Variants in ECHDC1 observed in about 807,000 individuals in gnomAD.
The protein encoded by ECHDC1 is ethylmalonyl-CoA decarboxylase.
A neutral mutation model predicts 29.7 loss-of-function variants in ECHDC1; 29 were observed. The ratio of observed to expected loss-of-function variants is 0.98; its 90% CI spans 0.73 to 1.33. ECHDC1 has a LOEUF of 1.33. Ranked by LOEUF, ECHDC1 falls within the 40% of genes most tolerant of loss-of-function variation. The probability of loss-of-function intolerance (pLI) is 0.00; values close to 1 mark genes in which losing one functional copy is unlikely to be tolerated. For synonymous variants in ECHDC1, 126 were observed against 123.1 expected (o/e 1.02, Z -0.15); for missense variants, 328 against 350.0 (o/e 0.94, Z 0.50).
chr6:127,323,118 A>C (rs1582984490), intron 3 of ECHDC1, among the ~76,000 whole-genome samples: 1 of 152,306 alleles, frequency 6.6e-6, no homozygotes, highest in African/African-American at 2.4e-5. Flanking sequence ...TTTAAGGTGT[A>C]TATGAAATAT....
chr6:127,334,134 C>T (rs1784217664), intron 1 of ECHDC1, among the ~76,000 whole-genome samples: 1 of 152,140 alleles, frequency 6.6e-6, no homozygotes, highest in African/African-American at 2.4e-5. Flanking sequence ...AGACCTTATG[C>T]CTGTACTCCT....
intron 5 of ECHDC1, among the ~76,000 whole-genome samples, chr6:127,297,206 T>C (rs1163196581): frequency 2.6e-5 from 4 of 152,220 alleles, no homozygotes; most frequent in African/African-American, 9.6e-5. Flanking sequence ...TAAATATTCA[T>C]TAACTCATTA....
chr6:127,335,156 A>G (rs930625709), intron 1 of ECHDC1, among the ~76,000 whole-genome samples: 1 of 152,128 alleles, frequency 6.6e-6, no homozygotes, highest in Non-Finnish European at 1.5e-5. Flanking sequence ...TTACAATACA[A>G]TATCTGGTTT....
intron 4 of ECHDC1, chr6:127,315,558 T>C (rs943935105): frequency 9.0e-6 from 2 of 221,928 alleles, no homozygotes; most frequent in African/African-American, 4.7e-5. Context: ...TTTTTGTAGG[T>C]TCTGACCTAC....
rs544997508 is a variant in ECHDC1 at position 127,332,473 on chromosome 6, A to T, written c.-2-1443T>A. Among the ~76,000 whole-genome samples, 10 of 152,154 alleles carry T rather than the reference A, an allele frequency of 6.6e-5. No individual in the cohort carries two copies. The East Asian group carries it at 1.9e-3, about 29-fold the overall frequency. On this transcript the variant is annotated intron_variant, in intron 1 of 5. Coordinates refer to ENST00000454859, the MANE Select transcript of ECHDC1 (RefSeq NM_001002030.2). The stretch of plus-strand genomic sequence containing the variant: ...GTGGTCGGGGTATGACTTGACTTTT[A>T]CACATTTTGGGGAGACATGGGACAT...
At chr6:127,298,772 C>T (rs1306936754) in intron 5 of ECHDC1, among the ~76,000 whole-genome samples, 2 of 152,112 alleles carry the variant, frequency 1.3e-5, no homozygotes, top group African/African-American at 4.8e-5. Flanking sequence ...AACAAACTTA[C>T]TGCACTGCTA....
At chr6:127,306,893 A>G (rs563824518) in intron 5 of ECHDC1, among the ~76,000 whole-genome samples, 139 of 152,354 alleles carry the variant, frequency 9.1e-4, no homozygotes, top group African/African-American at 3.2e-3. Flanking sequence ...TCCTCAGCAC[A>G]TGGATCATTC....
chr6:127,330,036 A>C (rs770635755), intron 2 of ECHDC1, among the ~76,000 whole-genome samples: 3 of 152,224 alleles, frequency 2.0e-5, no homozygotes, highest in Non-Finnish European at 2.9e-5. Flanking sequence ...TCAAATTTCA[A>C]ATGCTACTAA....
intron 5 of ECHDC1, among the ~76,000 whole-genome samples, chr6:127,309,612 T>C (rs994726152): frequency 9.2e-5 from 14 of 151,834 alleles, no homozygotes; most frequent in African/African-American, 3.4e-4. Context: ...GCGAAAATCT[T>C]AGGGTCACTG....
At chr6:127,312,747 T>A (rs1782043306) in intron 5 of ECHDC1, among the ~76,000 whole-genome samples, 1 of 152,062 alleles carries the variant, frequency 6.6e-6, no homozygotes, top group South Asian at 2.1e-4. Context: ...TACTAAGCAA[T>A]AAGATGAACA....
chr6:127,329,619 A>C (rs1783730133), intron 2 of ECHDC1, among the ~76,000 whole-genome samples: 1 of 152,236 alleles, frequency 6.6e-6, no homozygotes, highest in South Asian at 2.1e-4. Flanking sequence ...ATGTGTCATA[A>C]GTATAAAATA....
At chr6:127,331,704 TTAAC>T in intron 1 of ECHDC1, 1 of 598,198 alleles carries the variant, frequency 1.7e-6, no homozygotes, top group African/African-American at 2.0e-5. Context: ...TCTCCAACTC[TTAAC>T]TTTTTTAAAA....
At chr6:127,319,747 G>GACAGTGAT (rs1352917966) in intron 3 of ECHDC1, among the ~76,000 whole-genome samples, 1 of 152,196 alleles carries the variant, frequency 6.6e-6, no homozygotes, top group African/African-American at 2.4e-5. Context: ...AGTTGCTGCA[G>GACAGTGAT]ACAGTGATAT....
chr6:127,303,335 G>A (rs1781196084), intron 5 of ECHDC1, among the ~76,000 whole-genome samples: 3 of 152,152 alleles, frequency 2.0e-5, no homozygotes. Context: ...GCCAAGTTGT[G>A]AATACAACAG....
chr6:127,329,500 G>A (rs1241411226), intron 2 of ECHDC1, among the ~76,000 whole-genome samples: 1 of 151,856 alleles, frequency 6.6e-6, no homozygotes, highest in Non-Finnish European at 1.5e-5. Context: ...TATTAAATTG[G>A]TTTTTATTCC....
At chr6:127,340,151 C>T (rs941786603) in intron 1 of ECHDC1, among the ~76,000 whole-genome samples, 11 of 152,156 alleles carry the variant, frequency 7.2e-5, no homozygotes, top group African/African-American at 2.2e-4. Flanking sequence ...TAATACATAT[C>T]GTATAAGGGT....
At chr6:127,321,504 A>G (rs1782821394) in intron 3 of ECHDC1, among the ~76,000 whole-genome samples, 1 of 152,232 alleles carries the variant, frequency 6.6e-6, no homozygotes, top group Admixed American at 6.5e-5. Flanking sequence ...CGGGAACTTT[A>G]CATAAACTAT....
At chr6:127,321,732 G>A (rs1028182557) in intron 3 of ECHDC1, among the ~76,000 whole-genome samples, 1 of 152,206 alleles carries the variant, frequency 6.6e-6, no homozygotes, top group Non-Finnish European at 1.5e-5. Flanking sequence ...GCCAGGTGCA[G>A]TGGCTCACGC....
intron 3 of ECHDC1, among the ~76,000 whole-genome samples, chr6:127,317,566 T>C (rs536888999): frequency 1.3e-5 from 2 of 152,260 alleles, no homozygotes; most frequent in East Asian, 3.9e-4. Context: ...AATTGCACTA[T>C]TTGACTTAAA....
Sources: gnomAD v4.1 joint callset for allele counts (sites outside exome capture counted in the v4.1 genomes callset) on GRCh38, gnomAD v4.1.1 for gene constraint, MANE v1.5 for transcripts, NCBI Gene and HGNC (gene_info 2026-07-23, HGNC 2026-07-21) for gene names.